Variants in ST6GALNAC3 observed in about 807,000 individuals in gnomAD.
The protein encoded by ST6GALNAC3 is alpha-N-acetylgalactosaminide alpha-2,6-sialyltransferase 3.
Under a neutral mutation model 32.7 loss-of-function variants are expected in ST6GALNAC3, and 25 were observed. The ratio of observed to expected loss-of-function variants is 0.76; its 90% CI spans 0.56 to 1.07. ST6GALNAC3 has a LOEUF of 1.07. Among genes scored for constraint, ST6GALNAC3 ranks in the 50% least tolerant of loss-of-function variants. The probability of loss-of-function intolerance (pLI) is 0.00; values close to 1 mark genes in which losing one functional copy is unlikely to be tolerated. For synonymous variants in ST6GALNAC3, 129 were observed against 133.1 expected (o/e 0.97, Z 0.21); for missense variants, 355 against 382.4 (o/e 0.93, Z 0.60).
intron 2 of ST6GALNAC3, among the ~76,000 whole-genome samples, chr1:76,360,970 A>C (rs1649882111): frequency 6.6e-6 from 1 of 152,198 alleles, no homozygotes; most frequent in African/African-American, 2.4e-5. Flanking sequence ...TAAAGGAGTG[A>C]AGGCCAGGGT....
intron 2 of ST6GALNAC3, among the ~76,000 whole-genome samples, chr1:76,408,480 A>T (rs1653990167): frequency 6.6e-6 from 1 of 152,088 alleles, no homozygotes; most frequent in Non-Finnish European, 1.5e-5. Flanking sequence ...TCACATAAAC[A>T]AGAGGCTGTT....
intron 1 of ST6GALNAC3, among the ~76,000 whole-genome samples, chr1:76,191,765 A>G (rs1263486563): frequency 6.6e-6 from 1 of 152,196 alleles, no homozygotes; most frequent in African/African-American, 2.4e-5. Context: ...AAAGTAGACT[A>G]AAGTGGATGA....
intron 2 of ST6GALNAC3, among the ~76,000 whole-genome samples, chr1:76,359,305 T>C (rs1214842836): frequency 6.6e-6 from 1 of 152,178 alleles, no homozygotes; most frequent in Non-Finnish European, 1.5e-5. Flanking sequence ...TATTTGGAAA[T>C]TAGGTTATTG....
intron 1 of ST6GALNAC3, among the ~76,000 whole-genome samples, chr1:76,106,273 A>G (rs1041065616): frequency 4.6e-5 from 7 of 152,228 alleles, no homozygotes; most frequent in Non-Finnish European, 8.8e-5. Context: ...TGTTGTTATA[A>G]CAGATCCTTG....
chr1:76,607,298 T>C (rs904601185), intron 3 of ST6GALNAC3, among the ~76,000 whole-genome samples: 1 of 152,252 alleles, frequency 6.6e-6, no homozygotes, highest in Non-Finnish European at 1.5e-5. Context: ...AACACCATTG[T>C]TTAGAGGTTT....
At chr1:76,546,375 C>T (rs144309356) in intron 3 of ST6GALNAC3, among the ~76,000 whole-genome samples, 254 of 152,254 alleles carry the variant, frequency 1.7e-3, no homozygotes, top group African/African-American at 5.9e-3. Context: ...AGAAGATGAA[C>T]CTCCTAATAT....
intron 1 of ST6GALNAC3, among the ~76,000 whole-genome samples, chr1:76,190,291 C>T (rs758616287): frequency 4.6e-5 from 7 of 152,038 alleles, no homozygotes; most frequent in Non-Finnish European, 8.8e-5. Context: ...AGGATTTTTT[C>T]ATAGCAATGC....
At chr1:76,113,381 A>G (rs1339300214) in intron 1 of ST6GALNAC3, among the ~76,000 whole-genome samples, 1 of 151,412 alleles carries the variant, frequency 6.6e-6, no homozygotes, top group South Asian at 2.1e-4. Context: ...GCCAAATGGC[A>G]TTGTTATGGG....
intron 3 of ST6GALNAC3, among the ~76,000 whole-genome samples, chr1:76,617,049 C>T (rs1382968299): frequency 6.6e-6 from 1 of 152,138 alleles, no homozygotes; most frequent in Non-Finnish European, 1.5e-5. Flanking sequence ...GGAGACCTAT[C>T]CTCCTTCCCT....
rs187746952 is a variant in ST6GALNAC3, at chr1:76,170,110, A to G, written c.18+95226A>G. Among the ~76,000 whole-genome samples, 212 of 152,278 alleles carry G rather than the reference A, an allele frequency of 1.4e-3. 2 individuals are homozygous for G. Among genetic ancestry groups the G allele is most frequent in the East Asian group, 7.7e-4 (4 of 5,172 alleles). On this transcript the variant is annotated intron_variant, in intron 1 of 4. Transcript: ENST00000328299. ...ATTTCTGGAAGATTTTAGAGGGCCA[A>G]CATTCAGCTCCCAACTCCTGCACTG...
intron 2 of ST6GALNAC3, among the ~76,000 whole-genome samples, chr1:76,370,654 AT>A (rs1230113351): frequency 1.3e-5 from 2 of 152,144 alleles, no homozygotes; most frequent in Non-Finnish European, 2.9e-5. Context: ...TGTGGGTAAG[AT>A]GAACCATCAC....
At position 76,074,866 on chromosome 1, in the gene ST6GALNAC3, C is replaced by T. The variant is rs974475990; in HGVS notation, c.-1C>T. On this transcript the variant is annotated 5_prime_UTR_variant, in exon 1 of 5. Coordinates refer to ENST00000328299, the MANE Select transcript of ST6GALNAC3 (RefSeq NM_152996.4). ...GGTGGCAGGAGGGCCGGCGGAGCGC[C>T]ATGGCCTGCATCCTGAAGGTAACGA... 6.3e-7 allele frequency: 1 copy of T among 1,593,168 alleles called. No homozygotes were observed. The highest frequency in any genetic ancestry group is 1.3e-5 in the African/African-American group (1 of 74,764).
At chr1:76,440,137 C>T (rs922545524) in intron 3 of ST6GALNAC3, among the ~76,000 whole-genome samples, 5 of 152,142 alleles carry the variant, frequency 3.3e-5, no homozygotes, top group Admixed American at 3.3e-4. Context: ...CAAAGAGCTT[C>T]CTAGGCAGAG....
chr1:76,150,197 T>G (rs1264343813), intron 1 of ST6GALNAC3, among the ~76,000 whole-genome samples: 1 of 152,116 alleles, frequency 6.6e-6, no homozygotes, highest in East Asian at 1.9e-4. Flanking sequence ...GAGAGCCTCT[T>G]TCTGTTTCTG....
intron 1 of ST6GALNAC3, among the ~76,000 whole-genome samples, chr1:76,115,850 A>T (rs1356860289): frequency 6.6e-6 from 1 of 152,156 alleles, no homozygotes; most frequent in Non-Finnish European, 1.5e-5. Context: ...GTAGTATTAC[A>T]TTTGAAAGTT....
chr1:76,242,684 T>C (rs1258132184), intron 1 of ST6GALNAC3, among the ~76,000 whole-genome samples: 5 of 152,134 alleles, frequency 3.3e-5, no homozygotes, highest in Non-Finnish European at 5.9e-5. Flanking sequence ...CACTCCCACT[T>C]ATGAGTGAGA....
At chr1:76,423,230 A>T (rs1226011369) in intron 3 of ST6GALNAC3, among the ~76,000 whole-genome samples, 2 of 151,962 alleles carry the variant, frequency 1.3e-5, no homozygotes, top group Non-Finnish European at 2.9e-5. Context: ...TGCCTATGTT[A>T]TCTGGGTGAG....
intron 2 of ST6GALNAC3, among the ~76,000 whole-genome samples, chr1:76,325,847 A>G (rs1264166985): frequency 1.3e-5 from 2 of 151,302 alleles, no homozygotes; most frequent in African/African-American, 2.4e-5. Context: ...TCATTGATCA[A>G]CATTTTTTTG....
At chr1:76,233,501 G>A (rs1476590075) in intron 1 of ST6GALNAC3, among the ~76,000 whole-genome samples, 2 of 152,182 alleles carry the variant, frequency 1.3e-5, no homozygotes, top group East Asian at 1.9e-4. Context: ...GAAGAATTGT[G>A]ACCTATAGTT....
Sources: allele counts gnomAD v4.1 joint callset (sites outside exome capture counted in the v4.1 genomes callset), GRCh38; gene constraint gnomAD v4.1.1; transcripts MANE v1.5; gene names NCBI Gene and HGNC (gene_info 2026-07-23, HGNC 2026-07-21).